Variants in TMEM121B observed in about 807,000 individuals in gnomAD.
The protein encoded by TMEM121B is cat eye syndrome chromosome region, candidate 6.
TMEM121B carries 14 observed loss-of-function variants against 25.1 expected under a neutral mutation model. That is an observed-to-expected ratio of 0.56 (90% CI 0.37 to 0.87). The LOEUF is 0.87. Among genes scored for constraint, TMEM121B ranks in the 40% least tolerant of loss-of-function variants. The pLI, the probability that TMEM121B is intolerant of heterozygous loss-of-function variation, is 0.00. For missense variants in TMEM121B, 850 were observed against 854.6 expected (o/e 0.99, Z 0.07); for synonymous variants, 458 against 420.9 (o/e 1.09, Z -1.08).
chr22:17,120,954 G>A lies in TMEM121B; in HGVS notation c.174C>T (p.Gly58=), dbSNP rs1169794089. The A allele has an allele frequency of 2.8e-6, 4 of 1,418,276 alleles. No individual in the cohort carries two copies. The highest frequency in any genetic ancestry group is 2.8e-5 in the South Asian group (2 of 70,370). 87.9% of individuals were successfully genotyped at this position (1,418,276 alleles called of 1,614,324 possible). A position where few individuals can be genotyped will look rare whatever the true frequency, so the allele number is the denominator to read the frequency against. The change falls in exon 1 of 1, where the codon GGC becomes GGT. Residue 58 remains glycine (G), a synonymous_variant. Coordinates refer to ENST00000331437, the MANE Select transcript of TMEM121B (RefSeq NM_031890.4). ...AGCCGCCGCCCCCGCCGCGTCTGCC[G>A]CCGCCTCCCCCGCGGCTGGTGCTGG... ...TSTSTSRGGG[G]GRRGGGGGSP... is the part of the protein sequence containing the mutation.
rs2061497457 is a variant in TMEM121B, at chr22:17,121,032, G to A, written c.96C>T (p.Leu32=). The change falls in exon 1 of 1, where the codon CTC becomes CTT. Residue 32 remains leucine, a synonymous_variant. Transcript: ENST00000331437. ...TCCGGCCGCGGAAGGAGCCCCCGCGGAGGAAGAGGGGCTGCAGCCGGGCGG... is the reference window on the plus strand; with the variant it reads ...TCCGGCCGCGGAAGGAGCCCCCGCGAAGGAAGAGGGGCTGCAGCCGGGCGG... ...PAAARLQPLF[L]RGGSFRGRRG... is the part of the protein sequence containing the mutation. 2.0e-6 allele frequency: 3 copies of A among 1,468,554 alleles called. No homozygotes were observed. Among genetic ancestry groups the A allele is most frequent in the South Asian group, 2.6e-5 (2 of 77,820 alleles). The allele number at this position is 1,468,554 out of a possible 1,614,324, so 91.0% of individuals were successfully genotyped here.
rs2061475840 is a variant in TMEM121B, at chr22:17,117,540, G to A, written c.*1851C>T. The A allele has an allele frequency of 6.6e-6, 1 of 152,276 alleles. No individual in the cohort carries two copies. The highest frequency in any genetic ancestry group is 2.4e-5 in the African/African-American group (1 of 41,434). 9.4% of individuals were successfully genotyped at this position (152,276 alleles called of 1,614,324 possible). ...TGCTGAGTTAACGGCCAGTGACTTG[G>A]CACTTCTGACCCTCCCTGTGCACTC... On this transcript the variant is annotated 3_prime_UTR_variant, in exon 1 of 1. Coordinates refer to ENST00000331437, the MANE Select transcript of TMEM121B (RefSeq NM_031890.4).
chr22:17,119,560 T>A lies in TMEM121B; in HGVS notation c.1568A>T (p.Asn523Ile), dbSNP rs747194218. 1.3e-6 allele frequency: 2 copies of A among 1,552,592 alleles called. No homozygotes were observed. The highest frequency in any genetic ancestry group is 2.4e-5 in the South Asian group (2 of 84,642). Reference sequence around the variant, plus strand: ...TCTGGCCCGACTCGGGGAGGCCCGATTGCCCCGGTCCCAGCAGCCCTCCAG... The same window carrying A: ...TCTGGCCCGACTCGGGGAGGCCCGAATGCCCCGGTCCCAGCAGCCCTCCAG... ...EALEGCWDRG[N>I]RASPSRARGG... Residue 523 changes from asparagine (N) to isoleucine (I), a missense_variant, in exon 1 of 1, where the codon AAT becomes ATT. Coordinates refer to ENST00000331437, the MANE Select transcript of TMEM121B (RefSeq NM_031890.4).
In TMEM121B at chr22:17,121,236, C is replaced by T; in HGVS notation, c.-109G>A. On this transcript the variant is annotated 5_prime_UTR_variant, in exon 1 of 1. Transcript: ENST00000331437. Reference sequence around the variant, plus strand: ...GAGCCGGGGCCCGCCGCCTCCCCAGCAGTGGGGACTCGCACCTGGGCCGGG... The same window carrying T: ...GAGCCGGGGCCCGCCGCCTCCCCAGTAGTGGGGACTCGCACCTGGGCCGGG... 9.5e-7 allele frequency: 1 copy of T among 1,054,128 alleles called. No homozygotes were observed. The highest frequency in any genetic ancestry group is 3.4e-5 in the East Asian group (1 of 29,348). The allele number at this position is 1,054,128 out of a possible 1,614,324, so 65.3% of individuals were successfully genotyped here.
At position 17,121,066 on chromosome 22, in the gene TMEM121B, G is replaced by A. The variant is rs1287786623; in HGVS notation, c.62C>T (p.Pro21Leu). 1.7e-5 allele frequency: 24 copies of A among 1,454,002 alleles called. No individual in the cohort carries two copies. The East Asian group carries it at 6.2e-4, about 38-fold the overall frequency. The allele number at this position is 1,454,002 out of a possible 1,614,324, so 90.1% of individuals were successfully genotyped here. A position where few individuals can be genotyped will look rare whatever the true frequency, so the allele number is the denominator to read the frequency against. The change falls in exon 1 of 1, where the codon CCC (proline) becomes CTC (leucine). Residue 21 changes from proline (P) to leucine (L), a missense_variant. Coordinates refer to ENST00000331437, the MANE Select transcript of TMEM121B (RefSeq NM_031890.4). Reference protein sequence around the residue: ...VSSASGSFPPPPAAARLQPLF... With the variant: ...VSSASGSFPPLPAAARLQPLF... ...GGGCTGCAGCCGGGCGGCTGCCGGG[G>A]GCGGCGGGAAGGAACCGGACGCGGA... is the stretch of plus-strand genomic sequence containing the variant.
chr22:17,117,376 A>G lies in TMEM121B; in HGVS notation c.*2015T>C, dbSNP rs1282815289. The G allele has an allele frequency of 6.5e-6, 1 of 152,764 alleles. No individual in the cohort carries two copies. The highest frequency in any genetic ancestry group is 1.5e-5 in the Non-Finnish European group (1 of 68,116). 9.5% of individuals were successfully genotyped at this position (152,764 alleles called of 1,614,324 possible). A position where few individuals can be genotyped will look rare whatever the true frequency, so the allele number is the denominator to read the frequency against. On this transcript the variant is annotated 3_prime_UTR_variant, in exon 1 of 1. Transcript: ENST00000331437. ...TTTTCCCCCGCTGTTCCCTGCTCTG[A>G]GAGCATGAGGAGGCTCAAGAGAACT...
rs1241966734 is a variant in TMEM121B at position 17,116,359 on chromosome 22, A to G, written c.*3032T>C. On this transcript the variant is annotated 3_prime_UTR_variant, in exon 1 of 1. Coordinates refer to ENST00000331437, the MANE Select transcript of TMEM121B (RefSeq NM_031890.4). ...TGGTTTTATTTTTAAAAAGAGAAGG[A>G]AAAAAGTGATAAATGCTAGTGAGGT... 1 of 152,708 alleles carries G rather than the reference A, an allele frequency of 6.5e-6. No individual in the cohort carries two copies. Among genetic ancestry groups the G allele is most frequent in the East Asian group, 1.9e-4 (1 of 5,186 alleles). 9.5% of individuals were successfully genotyped at this position (152,708 alleles called of 1,614,324 possible).
In TMEM121B at chr22:17,120,547, G is replaced by C. The variant is rs952490239; in HGVS notation, c.581C>G (p.Pro194Arg). Residue 194 changes from proline to arginine, a missense_variant, in exon 1 of 1, where the codon CCC becomes CGC. By Grantham distance (103) the Pro-to-Arg change is moderately radical (BLOSUM62 -2). Coordinates refer to ENST00000331437, the MANE Select transcript of TMEM121B (RefSeq NM_031890.4). ...CGCCTGGTAGCCCCAGCGGCACCTG[G>C]GACTGGGGGCGCAGCCGCGGCGCCG... ...RGRRRGCAPSPRCRWGYQALS... is the reference protein window; with the variant it reads ...RGRRRGCAPSRRCRWGYQALS... 1.3e-6 allele frequency: 2 copies of C among 1,523,180 alleles called. No individual in the cohort carries two copies. Among genetic ancestry groups the C allele is most frequent in the Non-Finnish European group, 1.8e-6 (2 of 1,140,560 alleles). 94.4% of individuals were successfully genotyped at this position (1,523,180 alleles called of 1,614,324 possible).
In TMEM121B at chr22:17,120,900, G is replaced by T; in HGVS notation, c.228C>A (p.Arg76=). The change falls in exon 1 of 1, where the codon CGC becomes CGA. Residue 76 remains arginine (R), a synonymous_variant. Transcript: ENST00000331437. The part of the protein sequence containing the change: ...GSPSSSTGAE[R]EDDDESLSVS... ...CGCTGAGGCTCTCGTCGTCGTCCTC[G>T]CGCTCGGCGCCCGTGCTGCTGCTCG... 7.2e-7 allele frequency: 1 copy of T among 1,395,188 alleles called. No individual in the cohort carries two copies. The highest frequency in any genetic ancestry group is 9.3e-7 in the Non-Finnish European group (1 of 1,075,640). 86.4% of individuals were successfully genotyped at this position (1,395,188 alleles called of 1,614,324 possible). A position where few individuals can be genotyped will look rare whatever the true frequency, so the allele number is the denominator to read the frequency against.
In TMEM121B at chr22:17,119,947, C is replaced by G; in HGVS notation, c.1181G>C (p.Gly394Ala). ...GTCCAAGCACGTGCCCAGGAAGCAT[C>G]CGGCCGCGCGGTGCCGCTGGGGCTG... is the stretch of plus-strand genomic sequence containing the variant. ...LLQPQRHRAA[G>A]CFLGTCLDLL... Residue 394 changes from glycine (G) to alanine (A), a missense_variant, in exon 1 of 1, where the codon GGA becomes GCA. By Grantham distance (60) the Gly-to-Ala change is moderately conservative. Transcript: ENST00000331437. 1 of 1,573,796 alleles carries G rather than the reference C, an allele frequency of 6.4e-7. No homozygotes were observed. The highest frequency in any genetic ancestry group is 8.6e-7 in the Non-Finnish European group (1 of 1,165,440).
Position 17,119,417 on chromosome 22 carries a change from T to A in TMEM121B, c.1711A>T (p.Thr571Ser), listed in dbSNP as rs751100268. The change falls in exon 1 of 1, where the codon ACC (threonine) becomes TCC (serine). Residue 571 changes from threonine to serine, a missense_variant. By Grantham distance (58) the Thr-to-Ser change is moderately conservative. Coordinates refer to ENST00000331437, the MANE Select transcript of TMEM121B (RefSeq NM_031890.4). ...NEGGAHGYVN[T>S]LAVASQN ...CAATTCTGAGAGGCCACAGCCAGGG[T>A]GTTGACATAGCCATGAGCACCCCCC... The A allele has an allele frequency of 6.2e-7, 1 of 1,604,888 alleles. No individual in the cohort carries two copies. The highest frequency in any genetic ancestry group is 8.5e-7 in the Non-Finnish European group (1 of 1,175,906).
chr22:17,120,439 C>CAGG lies in TMEM121B; in HGVS notation c.686_688dup (p.Ser229dup). On this transcript the variant is annotated inframe_insertion, in exon 1 of 1. Transcript: ENST00000331437. Reference sequence around the variant, plus strand: ...CACCACCACCAGGTCAGTGGCGATCCAGGAGCACCAGTACAGGTCGGTGAC... The same window carrying CAGG: ...CACCACCACCAGGTCAGTGGCGATCCAGGAGGAGCACCAGTACAGGTCGGTGAC... The CAGG allele has an allele frequency of 6.3e-7, 1 of 1,577,356 alleles. No homozygotes were observed. Among genetic ancestry groups the CAGG allele is most frequent in the Non-Finnish European group, 8.6e-7 (1 of 1,166,164 alleles).
Position 17,119,802 on chromosome 22 carries a change from C to G in TMEM121B, c.1326G>C (p.Trp442Cys). ...CGGCCGCGGCGTTGAGCTCGTAGAGCCAGAGCACCGGCGAGGCGAGGGTGA... is the reference window on the plus strand; with the variant it reads ...CGGCCGCGGCGTTGAGCTCGTAGAGGCAGAGCACCGGCGAGGCGAGGGTGA... ...YFLTLASPVL[W>C]LYELNAAAAA... The change falls in exon 1 of 1, where the codon TGG (tryptophan) becomes TGC (cysteine). Residue 442 changes from tryptophan to cysteine, a missense_variant. Coordinates refer to ENST00000331437, the MANE Select transcript of TMEM121B (RefSeq NM_031890.4). The G allele has an allele frequency of 6.3e-7, 1 of 1,586,996 alleles. No individual in the cohort carries two copies. Among genetic ancestry groups the G allele is most frequent in the Non-Finnish European group, 8.5e-7 (1 of 1,174,724 alleles).
rs967089523 is a variant in TMEM121B at position 17,117,949 on chromosome 22, G to C, written c.*1442C>G. 2.0e-5 allele frequency: 3 copies of C among 152,124 alleles called. No homozygotes were observed. Among genetic ancestry groups the C allele is most frequent in the Admixed American group, 1.3e-4 (2 of 15,264 alleles). 9.4% of individuals were successfully genotyped at this position (152,124 alleles called of 1,614,324 possible). ...TTACACTACATAAAACTTCCCAAAC[G>C]TAAGAAGGGAGAAGGGGAAACAAAA... On this transcript the variant is annotated 3_prime_UTR_variant, in exon 1 of 1. Transcript: ENST00000331437.
chr22:17,121,157 G>T lies in TMEM121B; in HGVS notation c.-30C>A. 7.8e-7 allele frequency: 1 copy of T among 1,278,846 alleles called. No homozygotes were observed. 79.2% of individuals were successfully genotyped at this position (1,278,846 alleles called of 1,614,324 possible). On this transcript the variant is annotated 5_prime_UTR_variant, in exon 1 of 1. The change creates a new upstream start codon in the 5' untranslated region. Transcript: ENST00000331437. ...CTCCGAGGGGCTCTGGGGCCGCCCA[G>T]CTGTTCCCTCCCCGCCAACCCCGGG... is the stretch of plus-strand genomic sequence containing the variant.
chr22:17,120,368 C>G lies in TMEM121B; in HGVS notation c.760G>C (p.Gly254Arg). 1 of 1,543,540 alleles carries G rather than the reference C, an allele frequency of 6.5e-7. No individual in the cohort carries two copies. The highest frequency in any genetic ancestry group is 8.7e-7 in the Non-Finnish European group (1 of 1,152,562). The change falls in exon 1 of 1, where the codon GGC (glycine) becomes CGC (arginine). Residue 254 changes from glycine to arginine, a missense_variant. Gly to Arg is a moderately radical substitution (Grantham distance 125). Coordinates refer to ENST00000331437, the MANE Select transcript of TMEM121B (RefSeq NM_031890.4). ...TTGTGCGCGCCGCTGGCTGCGCCGC[C>G]CCGACGGCCCCGGCTGTTCTTGGCG... ...FFAKNSRGRR[G>R]GAASGAHNHH...
Position 17,121,074 on chromosome 22 carries a change from G to C in TMEM121B, c.54C>G (p.Phe18Leu). The C allele has an allele frequency of 6.9e-7, 1 of 1,451,290 alleles. No individual in the cohort carries two copies. Among genetic ancestry groups the C allele is most frequent in the Non-Finnish European group, 9.1e-7 (1 of 1,102,904 alleles). 89.9% of individuals were successfully genotyped at this position (1,451,290 alleles called of 1,614,324 possible). A position where few individuals can be genotyped will look rare whatever the true frequency, so the allele number is the denominator to read the frequency against. The change falls in exon 1 of 1, where the codon TTC becomes TTG. Residue 18 changes from phenylalanine to leucine, a missense_variant. Coordinates refer to ENST00000331437, the MANE Select transcript of TMEM121B (RefSeq NM_031890.4). ...PRSVSSASGS[F>L]PPPPAAARLQ... ...GCCGGGCGGCTGCCGGGGGCGGCGGGAAGGAACCGGACGCGGAGGAGACCG... is the reference window on the plus strand; with the variant it reads ...GCCGGGCGGCTGCCGGGGGCGGCGGCAAGGAACCGGACGCGGAGGAGACCG...
rs2061498648 is a variant in TMEM121B, at chr22:17,121,200, G to A, written c.-73C>T. The A allele has an allele frequency of 8.0e-7, 1 of 1,245,534 alleles. No individual in the cohort carries two copies. The highest frequency in any genetic ancestry group is 1.6e-5 in the African/African-American group (1 of 63,572). 77.2% of individuals were successfully genotyped at this position (1,245,534 alleles called of 1,614,324 possible). ...ACCCCGGGCGGGCGAGGCGGGCTAG[G>A]CGGCCGAGGGGAGCCGGGGCCCGCC... On this transcript the variant is annotated 5_prime_UTR_variant, in exon 1 of 1. Coordinates refer to ENST00000331437, the MANE Select transcript of TMEM121B (RefSeq NM_031890.4).
rs531867979 is a variant in TMEM121B at position 17,121,192 on chromosome 22, C to A, written c.-65G>T. The A allele has an allele frequency of 9.6e-6, 12 of 1,252,154 alleles. No homozygotes were observed. The South Asian group carries it at 2.3e-4, about 24-fold the overall frequency. The allele number at this position is 1,252,154 out of a possible 1,614,324, so 77.6% of individuals were successfully genotyped here. On this transcript the variant is annotated 5_prime_UTR_variant, in exon 1 of 1. Transcript: ENST00000331437. ...CCCCGCCAACCCCGGGCGGGCGAGG[C>A]GGGCTAGGCGGCCGAGGGGAGCCGG...
Sources: allele counts gnomAD v4.1 joint callset, GRCh38; gene constraint gnomAD v4.1.1; transcripts MANE v1.5; gene names NCBI Gene and HGNC (gene_info 2026-07-23, HGNC 2026-07-21).